Variants in ACTR3B observed in about 807,000 individuals in gnomAD.
ACTR3B encodes actin-related protein 3B.
A neutral mutation model predicts 59.0 loss-of-function variants in ACTR3B; 8 were observed. The observed-to-expected ratio is 0.14, with a 90% CI of 0.08 to 0.24. The LOEUF (loss-of-function observed/expected upper bound fraction) is 0.24. Among genes scored for constraint, ACTR3B ranks in the 10% least tolerant of loss-of-function variants. The pLI is 1.00. For synonymous variants in ACTR3B, 148 were observed against 197.9 expected, an observed-to-expected ratio of 0.75 and a Z score of 2.12; for missense variants, 245 against 552.3, an observed-to-expected ratio of 0.44 and a Z score of 5.58.
intron 7 of ACTR3B, among the ~76,000 whole-genome samples, chr7:152,821,864 T>C (rs1251983107): frequency 1.3e-5 from 2 of 152,244 alleles, no homozygotes; most frequent in African/African-American, 4.8e-5. Flanking sequence ...GCCATGGCCT[T>C]CTGTGGTTGT....
chr7:152,792,518 G>A (rs1356584488), intron 2 of ACTR3B, among the ~76,000 whole-genome samples: 2 of 151,956 alleles, frequency 1.3e-5, no homozygotes, highest in Non-Finnish European at 2.9e-5. Flanking sequence ...GGGAGGCAGA[G>A]GCAGGCGGGT....
intron 10 of ACTR3B, among the ~76,000 whole-genome samples, chr7:152,852,655 G>A (rs1798906975): frequency 6.6e-6 from 1 of 152,188 alleles, no homozygotes; most frequent in Non-Finnish European, 1.5e-5. Context: ...GAGTTACAAG[G>A]CGTTCCTCCA....
chr7:152,852,464 A>G (rs531521474), intron 10 of ACTR3B, among the ~76,000 whole-genome samples: 263 of 152,308 alleles, frequency 1.7e-3, no homozygotes, highest in African/African-American at 5.9e-3. Context: ...CTGGTGACAC[A>G]GCAACGGCAG....
chr7:152,810,414 T>G (rs923416689), intron 4 of ACTR3B, among the ~76,000 whole-genome samples: 13 of 95,316 alleles, frequency 1.4e-4, no homozygotes, highest in African/African-American at 4.6e-4. Context: ...GCCTGTTTTT[T>G]TTTTTTTTTT....
intron 2 of ACTR3B, among the ~76,000 whole-genome samples, chr7:152,797,189 C>T (rs528040562): frequency 2.1e-4 from 32 of 152,204 alleles, no homozygotes; most frequent in African/African-American, 7.7e-4. Context: ...ACCTCCTGGG[C>T]TCAAGTGATC....
At chr7:152,850,108 G>A (rs1294710750) in intron 9 of ACTR3B, among the ~76,000 whole-genome samples, 1 of 151,672 alleles carries the variant, frequency 6.6e-6, no homozygotes, top group African/African-American at 2.4e-5. Context: ...CAGATCACTG[G>A]TCACTTCTCC....
At chr7:152,801,356 G>C (rs1227145180) in intron 3 of ACTR3B, among the ~76,000 whole-genome samples, 3 of 152,254 alleles carry the variant, frequency 2.0e-5, no homozygotes, top group Non-Finnish European at 4.4e-5. Context: ...TTGGATTAGA[G>C]GCGTGAGCCA....
chr7:152,819,385 A>T (rs557289237), intron 6 of ACTR3B, among the ~76,000 whole-genome samples: 3 of 152,036 alleles, frequency 2.0e-5, no homozygotes, highest in African/African-American at 7.3e-5. Flanking sequence ...ATGTGCTGTA[A>T]CGTGAAACCT....
At chr7:152,781,115 A>T (rs1226713792) in intron 1 of ACTR3B, among the ~76,000 whole-genome samples, 1 of 151,940 alleles carries the variant, frequency 6.6e-6, no homozygotes, top group African/African-American at 2.4e-5. Flanking sequence ...TCAAAATACG[A>T]AGATGATATA....
intron 2 of ACTR3B, among the ~76,000 whole-genome samples, chr7:152,786,957 A>T (rs1292807472): frequency 2.6e-5 from 4 of 152,104 alleles, no homozygotes; most frequent in Non-Finnish European, 5.9e-5. Context: ...CCTTTTGGGC[A>T]TTTTTCACAG....
intron 2 of ACTR3B, among the ~76,000 whole-genome samples, chr7:152,795,866 C>T (rs192376014): frequency 8.3e-5 from 12 of 145,038 alleles, no homozygotes; most frequent in East Asian, 6.0e-4. Context: ...TTTTTGGAGG[C>T]GGTGTCTTGC....
At chr7:152,804,033 G>T (rs1186732692) in intron 4 of ACTR3B, among the ~76,000 whole-genome samples, 1 of 152,184 alleles carries the variant, frequency 6.6e-6, no homozygotes, top group Admixed American at 6.5e-5. Context: ...AGGCCCAAAT[G>T]ATGGACCCCA....
intron 4 of ACTR3B, among the ~76,000 whole-genome samples, chr7:152,810,369 A>T (rs34129325): frequency 3.4e-5 from 5 of 149,066 alleles, no homozygotes; most frequent in Admixed American, 6.7e-5. Context: ...TGCCTCCCAA[A>T]GTGCTGGGAT....
chr7:152,789,016 T>C (rs2098184486), intron 2 of ACTR3B, among the ~76,000 whole-genome samples: 2 of 132,764 alleles, frequency 1.5e-5, no homozygotes, highest in South Asian at 5.0e-4. Flanking sequence ...AACCAGACGC[T>C]GTCTCAAAAC....
intron 1 of ACTR3B, among the ~76,000 whole-genome samples, chr7:152,771,679 G>A (rs2098124251): frequency 6.6e-6 from 1 of 152,124 alleles, no homozygotes; most frequent in African/African-American, 2.4e-5. Flanking sequence ...AAGTTTTCCT[G>A]GAATATAATG....
chr7:152,844,787 AG>A (rs1199658295), intron 9 of ACTR3B, among the ~76,000 whole-genome samples: 5 of 145,198 alleles, frequency 3.4e-5, no homozygotes, highest in East Asian at 2.1e-4. Flanking sequence ...GTATGTCTTA[AG>A]GAGGTGGAGT....
chr7:152,801,382 C>G (rs1191337894), intron 3 of ACTR3B, among the ~76,000 whole-genome samples: 1 of 152,162 alleles, frequency 6.6e-6, no homozygotes, highest in Non-Finnish European at 1.5e-5. Flanking sequence ...CCTGGCCTGC[C>G]TCCGTGTCAT....
intron 7 of ACTR3B, 149 bp from the exon 8 acceptor site, chr7:152,823,193 G>A (rs1796312811): frequency 2.8e-6 from 3 of 1,055,514 alleles, no homozygotes; most frequent in Non-Finnish European, 4.1e-6. Context: ...GATGGAATGT[G>A]AGGCTTGATG....
intron 9 of ACTR3B, among the ~76,000 whole-genome samples, chr7:152,835,165 C>T (rs188330005): frequency 5.3e-5 from 8 of 152,228 alleles, no homozygotes; most frequent in South Asian, 2.1e-4. Flanking sequence ...AGGGCCAAGC[C>T]GCGTGGGTCT....
Sources: allele counts gnomAD v4.1 joint callset (sites outside exome capture counted in the v4.1 genomes callset), GRCh38; gene constraint gnomAD v4.1.1; transcripts MANE v1.5; gene names NCBI Gene and HGNC (gene_info 2026-07-23, HGNC 2026-07-21).